The following PLCB1 variants were observed in gnomAD, a reference collection of about 807,000 sequenced individuals.
The protein encoded by PLCB1 is phospholipase C beta 1.
Under a neutral mutation model 161.8 loss-of-function variants are expected in PLCB1, and 46 were observed. The observed-to-expected ratio is 0.28, with a 90% CI of 0.22 to 0.36. The LOEUF is 0.36. Ranked by LOEUF, PLCB1 falls within the 10% of genes least tolerant of loss-of-function variation. The pLI is 1.00. For synonymous variants in PLCB1, 517 were observed against 503.7 expected (o/e 1.03, Z -0.35); for missense variants, 1,016 against 1,472.5 (o/e 0.69, Z 5.07).
intron 2 of PLCB1, among the ~76,000 whole-genome samples, chr20:8,291,566 C>T (rs1358566109): frequency 6.6e-6 from 1 of 152,138 alleles, no homozygotes; most frequent in Non-Finnish European, 1.5e-5. Context: ...ATTTCAAAAC[C>T]AAACCATGAT....
chr20:8,340,572 G>A (rs997594745), intron 2 of PLCB1, among the ~76,000 whole-genome samples: 16 of 152,026 alleles, frequency 1.1e-4, no homozygotes, highest in Admixed American at 7.9e-4. Flanking sequence ...ACAGGCGCCC[G>A]CCACCACGCC....
In PLCB1 at chr20:8,765,271, A is replaced by G; in HGVS notation, c.2843A>G (p.His948Arg). 2 of 1,614,112 alleles carry G rather than the reference A, an allele frequency of 1.2e-6. No homozygotes were observed. The highest frequency in any genetic ancestry group is 8.5e-7 in the Non-Finnish European group (1 of 1,179,948). ...AAAACCACTGACCTTATCAAAGAAC[A>G]CACTACCAAGTATAATGAAATTCAG... ...HKKTTDLIKE[H>R]TTKYNEIQND... The change falls in exon 26 of 32, where the codon CAC becomes CGC. Residue 948 changes from histidine to arginine, a missense_variant. Transcript: ENST00000338037.
intron 3 of PLCB1, among the ~76,000 whole-genome samples, chr20:8,483,294 G>T (rs1168853265): frequency 6.6e-6 from 1 of 152,170 alleles, no homozygotes; most frequent in African/African-American, 2.4e-5. Context: ...ACTGGGATGG[G>T]CTTAGCTGTT....
intron 2 of PLCB1, among the ~76,000 whole-genome samples, chr20:8,175,821 A>C (rs1181897759): frequency 6.6e-6 from 1 of 152,202 alleles, no homozygotes; most frequent in African/African-American, 2.4e-5. Flanking sequence ...AAAAAACAAA[A>C]AACAAAAAAC....
At chr20:8,643,838 A>G (rs1225042627) in intron 4 of PLCB1, among the ~76,000 whole-genome samples, 4 of 145,382 alleles carry the variant, frequency 2.8e-5, no homozygotes, top group Non-Finnish European at 6.0e-5. Context: ...TCTCCCTCTG[A>G]TGCCGAGCCA....
chr20:8,768,816 T>C (rs1982513204), intron 26 of PLCB1, among the ~76,000 whole-genome samples: 1 of 152,248 alleles, frequency 6.6e-6, no homozygotes, highest in Non-Finnish European at 1.5e-5. Context: ...CGTATACTTA[T>C]AATCTTCTAT....
chr20:8,798,026 T>C (rs1022643599), intron 31 of PLCB1, among the ~76,000 whole-genome samples: 2 of 152,050 alleles, frequency 1.3e-5, no homozygotes, highest in Non-Finnish European at 2.9e-5. Context: ...AAACACTGAC[T>C]CTATTAAAAA....
At chr20:8,300,318 A>G (rs1270781062) in intron 2 of PLCB1, among the ~76,000 whole-genome samples, 1 of 152,180 alleles carries the variant, frequency 6.6e-6, no homozygotes, top group Non-Finnish European at 1.5e-5. Context: ...CTTGTGATCA[A>G]GGGGCAGAGA....
chr20:8,200,914 A>G (rs1029945618), intron 2 of PLCB1, among the ~76,000 whole-genome samples: 1 of 152,024 alleles, frequency 6.6e-6, no homozygotes, highest in East Asian at 1.9e-4. Flanking sequence ...GTTCCCTTTT[A>G]TGTCTGATTC....
At chr20:8,504,339 A>G (rs1256927067) in intron 3 of PLCB1, among the ~76,000 whole-genome samples, 2 of 152,188 alleles carry the variant, frequency 1.3e-5, no homozygotes, top group Non-Finnish European at 1.5e-5. Context: ...TCCTGGTCAA[A>G]ACAAACAACA....
intron 31 of PLCB1, among the ~76,000 whole-genome samples, chr20:8,842,446 G>T (rs1255917788): frequency 6.6e-6 from 1 of 152,076 alleles, no homozygotes; most frequent in African/African-American, 2.4e-5. Flanking sequence ...GAAGTGTTTT[G>T]TATTATTTCG....
intron 3 of PLCB1, among the ~76,000 whole-genome samples, chr20:8,377,189 T>C (rs1257698479): frequency 6.6e-6 from 1 of 151,866 alleles, no homozygotes; most frequent in African/African-American, 2.4e-5. Flanking sequence ...AAATGAGTGC[T>C]GGGAAGGGGT....
chr20:8,748,358 C>T (rs752033238), intron 23 of PLCB1, among the ~76,000 whole-genome samples: 30 of 152,244 alleles, frequency 2.0e-4, no homozygotes, highest in South Asian at 1.0e-3. Flanking sequence ...CTAATATCAA[C>T]GGCCAATGAG....
intron 3 of PLCB1, among the ~76,000 whole-genome samples, chr20:8,384,616 G>A (rs1230378358): frequency 6.6e-6 from 1 of 151,946 alleles, no homozygotes; most frequent in African/African-American, 2.4e-5. Context: ...TGCATTTTGG[G>A]TTTTCAGTGT....
At chr20:8,523,067 C>T (rs1034902402) in intron 3 of PLCB1, among the ~76,000 whole-genome samples, 20 of 152,038 alleles carry the variant, frequency 1.3e-4, no homozygotes, top group Admixed American at 7.2e-4. Flanking sequence ...GATGAGATTG[C>T]TGTAGATGCT....
At chr20:8,685,428 A>G (rs1047917853) in intron 10 of PLCB1, among the ~76,000 whole-genome samples, 1 of 151,974 alleles carries the variant, frequency 6.6e-6, no homozygotes, top group Admixed American at 6.6e-5. Flanking sequence ...GTTCATCTAC[A>G]TGACAGCTCC....
chr20:8,226,812 C>T (rs6055669), intron 2 of PLCB1, among the ~76,000 whole-genome samples: 1,851 of 151,778 alleles, frequency 0.012, 41 homozygotes, highest in African/African-American at 0.042. Flanking sequence ...ATCAGCCTCC[C>T]GAGTAGCTGA....
chr20:8,475,313 C>CAGT (rs1405656691), intron 3 of PLCB1, among the ~76,000 whole-genome samples: 4 of 152,054 alleles, frequency 2.6e-5, no homozygotes, highest in Non-Finnish European at 5.9e-5. Flanking sequence ...CAGCCGAGAG[C>CAGT]AGTGGTGCAT....
intron 2 of PLCB1, among the ~76,000 whole-genome samples, chr20:8,346,769 T>C (rs1288072150): frequency 1.3e-5 from 2 of 152,222 alleles, no homozygotes; most frequent in Non-Finnish European, 2.9e-5. Context: ...ACAGTTGCTT[T>C]TGGAATCCCA....
Sources: allele counts gnomAD v4.1 joint callset (sites outside exome capture counted in the v4.1 genomes callset), GRCh38; gene constraint gnomAD v4.1.1; transcripts MANE v1.5; gene names NCBI Gene and HGNC (gene_info 2026-07-23, HGNC 2026-07-21).